The following ANKS1B variants were observed in gnomAD, a reference collection of about 807,000 sequenced individuals.
ANKS1B encodes the protein ankyrin repeat and sterile alpha motif domain-containing protein 1B.
Under a neutral mutation model 148.3 loss-of-function variants are expected in ANKS1B, and 36 were observed. The observed-to-expected ratio is 0.24, with a 90% CI of 0.19 to 0.32. The LOEUF (loss-of-function observed/expected upper bound fraction) is 0.32. ANKS1B is among the 10% of genes least tolerant of loss of function. The pLI, the probability that ANKS1B is intolerant of heterozygous loss-of-function variation, is 1.00. For synonymous variants in ANKS1B, 542 were observed against 560.8 expected, an observed-to-expected ratio of 0.97 and a Z score of 0.47; for missense variants, 1,157 against 1,542.6, an observed-to-expected ratio of 0.75 and a Z score of 4.19.
chr12:99,714,836 C>A (rs1380950434), intron 8 of ANKS1B, among the ~76,000 whole-genome samples: 2 of 151,904 alleles, frequency 1.3e-5, no homozygotes, highest in Non-Finnish European at 2.9e-5. Flanking sequence ...TCAAAAACTA[C>A]AGGCCCAGTG....
chr12:99,275,290 C>A (rs1459358445), intron 12 of ANKS1B, among the ~76,000 whole-genome samples: 2 of 152,102 alleles, frequency 1.3e-5, no homozygotes, highest in African/African-American at 4.8e-5. Context: ...ATACTAGATT[C>A]TATTCATTGC....
intron 1 of ANKS1B, among the ~76,000 whole-genome samples, chr12:99,970,330 T>C (rs886911500): frequency 1.3e-5 from 2 of 152,232 alleles, no homozygotes; most frequent in South Asian, 2.1e-4. Flanking sequence ...GACTTTGAAA[T>C]AGCATTGAAA....
At chr12:99,362,553 T>C (rs2092545349) in intron 12 of ANKS1B, among the ~76,000 whole-genome samples, 1 of 152,018 alleles carries the variant, frequency 6.6e-6, no homozygotes, top group African/African-American at 2.4e-5. Flanking sequence ...TTTGAAGATA[T>C]TAAATGTCTG....
Position 98,868,773 on chromosome 12 carries a change from T to C in ANKS1B, c.2779-36637A>G, listed in dbSNP as rs145075642. 5.0e-3 allele frequency among the ~76,000 whole-genome samples: 766 copies of C among 152,326 alleles called. 11 individuals are homozygous for C. Among genetic ancestry groups the C allele is most frequent in the African/African-American group, 0.017 (708 of 41,568 alleles). ...AATGGGGGCTGTCCTGATTGATTAC[T>C]ATTTGTCCAGTCTCTCACCAGCTGA... On this transcript the variant is annotated intron_variant, in intron 17 of 26. Coordinates refer to ENST00000683438, the MANE Select transcript of ANKS1B (RefSeq NM_001352186.2).
At chr12:98,858,655 T>C (rs1456347625) in intron 17 of ANKS1B, among the ~76,000 whole-genome samples, 2 of 152,158 alleles carry the variant, frequency 1.3e-5, no homozygotes, top group African/African-American at 2.4e-5. Context: ...AGGAAATTCT[T>C]TTAGCAGAGC....
At chr12:99,516,193 T>G (rs1024260550) in intron 9 of ANKS1B, among the ~76,000 whole-genome samples, 1 of 152,248 alleles carries the variant, frequency 6.6e-6, no homozygotes, top group Admixed American at 6.5e-5. Flanking sequence ...TGTTTGCCTG[T>G]GCTTGAGGGG....
chr12:99,838,781 G>A (rs889050188), intron 1 of ANKS1B, among the ~76,000 whole-genome samples: 8 of 151,628 alleles, frequency 5.3e-5, no homozygotes, highest in African/African-American at 1.9e-4. Context: ...TCTCTATTAT[G>A]GGTATATGAT....
chr12:98,824,235 C>G (rs1243224731), intron 19 of ANKS1B, among the ~76,000 whole-genome samples: 1 of 152,236 alleles, frequency 6.6e-6, no homozygotes, highest in Non-Finnish European at 1.5e-5. Context: ...CCAGATCCCT[C>G]TGCATCGTGA....
At chr12:98,950,641 C>T (rs200862498) in intron 17 of ANKS1B, among the ~76,000 whole-genome samples, 1 of 151,314 alleles carries the variant, frequency 6.6e-6, no homozygotes, top group Non-Finnish European at 1.5e-5. Context: ...TCCTGCCCCC[C>T]AAAAGTCTGA....
At chr12:99,103,458 T>C (rs1294279528) in intron 15 of ANKS1B, among the ~76,000 whole-genome samples, 2 of 152,224 alleles carry the variant, frequency 1.3e-5, no homozygotes, top group Non-Finnish European at 2.9e-5. Flanking sequence ...TTAAAAATTC[T>C]ACTGATCTTT....
intron 25 of ANKS1B, among the ~76,000 whole-genome samples, chr12:98,762,917 G>A (rs182038312): frequency 6.6e-6 from 1 of 152,354 alleles, no homozygotes; most frequent in African/African-American, 2.4e-5. Flanking sequence ...AACACAAAAA[G>A]GAAGTTGCCT....
intron 15 of ANKS1B, among the ~76,000 whole-genome samples, chr12:99,140,002 G>A (rs1313202031): frequency 6.6e-6 from 1 of 152,200 alleles, no homozygotes; most frequent in Non-Finnish European, 1.5e-5. Context: ...ATACTTCACA[G>A]TCTGAATGCA....
At chr12:99,453,002 G>A (rs2152826668) in intron 10 of ANKS1B, among the ~76,000 whole-genome samples, 1 of 152,270 alleles carries the variant, frequency 6.6e-6, no homozygotes, top group East Asian at 1.9e-4. Context: ...TAACAAAGAA[G>A]AGATGAGGCC....
chr12:99,940,978 T>C (rs1050570953), intron 1 of ANKS1B, among the ~76,000 whole-genome samples: 7 of 152,196 alleles, frequency 4.6e-5, no homozygotes, highest in Non-Finnish European at 1.5e-5. Flanking sequence ...TGAAATATTA[T>C]GTACGTAATT....
intron 12 of ANKS1B, among the ~76,000 whole-genome samples, chr12:99,324,336 T>C (rs964296031): frequency 1.3e-5 from 2 of 152,118 alleles, no homozygotes; most frequent in Non-Finnish European, 1.5e-5. Flanking sequence ...GTTAAGGCTT[T>C]ATAAAAAGCC....
intron 17 of ANKS1B, among the ~76,000 whole-genome samples, chr12:98,998,390 T>G (rs7295102): frequency 0.034 from 5,228 of 152,324 alleles, 132 homozygotes; most frequent in Non-Finnish European, 0.052. Context: ...GAGGAACATG[T>G]AAACCTGGAT....
intron 17 of ANKS1B, among the ~76,000 whole-genome samples, chr12:99,013,123 G>A (rs1171052884): frequency 6.6e-6 from 1 of 152,180 alleles, no homozygotes; most frequent in Non-Finnish European, 1.5e-5. Flanking sequence ...CAGAAAGTAA[G>A]GTAGCAATTA....
chr12:99,926,420 A>G (rs1447647720), intron 1 of ANKS1B, among the ~76,000 whole-genome samples: 1 of 152,218 alleles, frequency 6.6e-6, no homozygotes, highest in Admixed American at 6.5e-5. Flanking sequence ...GTCTGGATAG[A>G]ACAAAAAAGT....
chr12:99,567,031 T>A (rs570049271), intron 9 of ANKS1B, among the ~76,000 whole-genome samples: 1 of 152,156 alleles, frequency 6.6e-6, no homozygotes, highest in Admixed American at 6.5e-5. Flanking sequence ...CAGTCAGGAG[T>A]CTGGGCCTGG....
Sources: allele counts gnomAD v4.1 joint callset (sites outside exome capture counted in the v4.1 genomes callset), GRCh38; gene constraint gnomAD v4.1.1; transcripts MANE v1.5; gene names NCBI Gene and HGNC (gene_info 2026-07-23, HGNC 2026-07-21).